Variants in SMCHD1 observed in about 807,000 individuals in gnomAD.
SMCHD1 encodes structural maintenance of chromosomes flexible hinge domain-containing protein 1.
A neutral mutation model predicts 254.7 loss-of-function variants in SMCHD1; 78 were observed. That is an observed-to-expected ratio of 0.31 (90% CI 0.26 to 0.37). SMCHD1 has a LOEUF of 0.37. Among genes scored for constraint, SMCHD1 ranks in the 10% least tolerant of loss-of-function variants. SMCHD1 has a pLI of 1.00. For synonymous variants in SMCHD1, 766 were observed against 794.9 expected (o/e 0.96, Z 0.61); for missense variants, 1,840 against 2,408.1 (o/e 0.76, Z 4.94).
chr18:2,751,951 C>G (rs555378677), intron 33 of SMCHD1, among the ~76,000 whole-genome samples: 2 of 152,168 alleles, frequency 1.3e-5, no homozygotes, highest in South Asian at 4.1e-4. Context: ...TTTTATCTTA[C>G]CAAGTCTATG....
At chr18:2,752,756 A>G (rs2075598960) in intron 34 of SMCHD1, 2 of 469,404 alleles carry the variant, frequency 4.3e-6, no homozygotes, top group East Asian at 8.3e-5. Context: ...GTAAATTGTA[A>G]TTGTATTTGC....
chr18:2,710,250 A>G (rs550842205), intron 17 of SMCHD1, among the ~76,000 whole-genome samples: 37 of 152,286 alleles, frequency 2.4e-4, no homozygotes, highest in Non-Finnish European at 2.5e-4. Flanking sequence ...CTAGGTCTAT[A>G]TGTCTGTTCA....
In SMCHD1 at chr18:2,802,802, G is replaced by T; in HGVS notation, c.*250G>T. The stretch of plus-strand genomic sequence containing the variant: ...TATGCCCTTTGGTTGTCACTACCTT[G>T]CAAATGTGTAAGAGGAAAATGTGCT... On this transcript the variant is annotated 3_prime_UTR_variant, in exon 48 of 48. Transcript: ENST00000320876. The T allele has an allele frequency of 2.6e-6, 1 of 378,008 alleles. No homozygotes were observed. The highest frequency in any genetic ancestry group is 4.5e-5 in the Admixed American group (1 of 22,296). 23.4% of individuals were successfully genotyped at this position (378,008 alleles called of 1,614,324 possible).
At chr18:2,664,276 T>C (rs1419277689) in intron 1 of SMCHD1, among the ~76,000 whole-genome samples, 1 of 152,224 alleles carries the variant, frequency 6.6e-6, no homozygotes, top group African/African-American at 2.4e-5. Context: ...CCTGTCCATA[T>C]TGAGTTCTCT....
At chr18:2,731,322 A>G (rs966176055) in intron 24 of SMCHD1, among the ~76,000 whole-genome samples, 9 of 152,346 alleles carry the variant, frequency 5.9e-5, no homozygotes, top group Admixed American at 5.9e-4. Context: ...CTATAACTAG[A>G]TTATGAAATA....
At chr18:2,696,919 C>A in intron 8 of SMCHD1, 113 bp from the exon 9 acceptor site, 1 of 509,670 alleles carries the variant, frequency 2.0e-6, no homozygotes, top group Non-Finnish European at 3.5e-6. Flanking sequence ...TTTTAAAATG[C>A]TTAATAAAGT....
intron 17 of SMCHD1, among the ~76,000 whole-genome samples, chr18:2,711,359 A>G (rs1426225235): frequency 6.6e-6 from 1 of 151,848 alleles, no homozygotes; most frequent in East Asian, 1.9e-4. Context: ...CAGTCTCCCA[A>G]AGTGTTAGGA....
At chr18:2,763,950 T>A (rs1457826532) in intron 37 of SMCHD1, 161 bp downstream of exon 37, 1 of 617,812 alleles carries the variant, frequency 1.6e-6, no homozygotes, top group East Asian at 3.4e-5. Context: ...TATTACAAAT[T>A]GAACCCAAGA....
intron 37 of SMCHD1, among the ~76,000 whole-genome samples, chr18:2,768,903 G>A (rs2075925644): frequency 6.6e-6 from 1 of 151,976 alleles, no homozygotes; most frequent in South Asian, 2.1e-4. Context: ...TTAATGGTGG[G>A]CTTGTATTCT....
At chr18:2,708,907 T>TATATATAAATAA (rs769432583) in intron 17 of SMCHD1, among the ~76,000 whole-genome samples, 2 of 44,702 alleles carry the variant, frequency 4.5e-5, no homozygotes, top group East Asian at 1.2e-3. Flanking sequence ...TATATATATA[T>TATATATAAATAA]AACATATTAA....
At chr18:2,706,328 G>T in intron 14 of SMCHD1, 36 bp from the exon 15 acceptor site, 1 of 1,391,810 alleles carries the variant, frequency 7.2e-7, no homozygotes. Context: ...GATTTAAATA[G>T]TTTTCTTTGA....
chr18:2,714,818 A>G (rs373469655), intron 17 of SMCHD1, among the ~76,000 whole-genome samples: 1 of 152,270 alleles, frequency 6.6e-6, no homozygotes. Flanking sequence ...TTGTTCTAGC[A>G]GGACACAAGA....
At chr18:2,785,926 A>G (rs1049850682) in intron 45 of SMCHD1, among the ~76,000 whole-genome samples, 1 of 152,226 alleles carries the variant, frequency 6.6e-6, no homozygotes, top group African/African-American at 2.4e-5. Flanking sequence ...AATAAGTGTT[A>G]GAATGTCCTT....
chr18:2,659,409 C>T (rs535430373), intron 1 of SMCHD1, among the ~76,000 whole-genome samples: 7 of 152,106 alleles, frequency 4.6e-5, no homozygotes, highest in South Asian at 2.1e-4. Context: ...TGAGCCACCA[C>T]GCCCAGCTCT....
At chr18:2,725,524 C>T (rs2075010043) in intron 21 of SMCHD1, among the ~76,000 whole-genome samples, 1 of 151,806 alleles carries the variant, frequency 6.6e-6, no homozygotes, top group Non-Finnish European at 1.5e-5. Context: ...GATAGAAACT[C>T]TAATAAGGTA....
intron 37 of SMCHD1, among the ~76,000 whole-genome samples, chr18:2,764,337 G>A (rs943315451): frequency 1.3e-5 from 2 of 151,906 alleles, no homozygotes; most frequent in East Asian, 1.9e-4. Context: ...ATACATGTTC[G>A]GAGGGTGTAA....
At chr18:2,671,047 C>CT (rs1411285518) in intron 3 of SMCHD1, among the ~76,000 whole-genome samples, 12 of 151,422 alleles carry the variant, frequency 7.9e-5, no homozygotes, top group Non-Finnish European at 4.4e-5. Flanking sequence ...AGCAATTCCC[C>CT]TGCCTCAGCC....
chr18:2,796,617 G>A (rs1418333464), intron 47 of SMCHD1, 96 bp downstream of exon 47: 2 of 839,394 alleles, frequency 2.4e-6, no homozygotes, highest in Admixed American at 2.3e-5. Flanking sequence ...GTCTTGCTCT[G>A]TTGCCCAGGC....
At chr18:2,748,472 C>CA (rs2143606282) in intron 30 of SMCHD1, among the ~76,000 whole-genome samples, 1 of 128,876 alleles carries the variant, frequency 7.8e-6, no homozygotes, top group East Asian at 2.8e-4. Context: ...TGGCTCACTG[C>CA]AACCTCTGCC....
Sources: allele counts gnomAD v4.1 joint callset (sites outside exome capture counted in the v4.1 genomes callset), GRCh38; gene constraint gnomAD v4.1.1; transcripts MANE v1.5; gene names NCBI Gene and HGNC (gene_info 2026-07-23, HGNC 2026-07-21).